The following ZNF148 variants were observed in gnomAD, a reference collection of about 807,000 sequenced individuals.
The protein encoded by ZNF148 is zinc finger protein 148.
Under a neutral mutation model 67.7 loss-of-function variants are expected in ZNF148, and 7 were observed. That is an observed-to-expected ratio of 0.10 (90% CI 0.06 to 0.19). The LOEUF is 0.19. Ranked by LOEUF, ZNF148 falls within the 10% of genes least tolerant of loss-of-function variation. The pLI, the probability that ZNF148 is intolerant of heterozygous loss-of-function variation, is 1.00. For missense variants in ZNF148, 583 were observed against 947.1 expected (o/e 0.62, Z 5.05); for synonymous variants, 333 against 330.7 (o/e 1.01, Z -0.08).
chr3:125,259,586 A>G (rs4679376), intron 7 of ZNF148, among the ~76,000 whole-genome samples: 117,369 of 152,166 alleles, frequency 0.77, 45,818 homozygotes, highest in African/African-American at 0.85. Context: ...TGTAAAAGTT[A>G]TGTTTACATT....
intron 1 of ZNF148, chr3:125,357,634 A>G (rs570389259): frequency 6.6e-6 from 1 of 152,476 alleles, no homozygotes; most frequent in Non-Finnish European, 1.5e-5. Context: ...AGCTGGCCCA[A>G]TCGGGCCTGG....
chr3:125,288,201 T>G lies in ZNF148; in HGVS notation c.361A>C (p.Thr121Pro), dbSNP rs774154262. The G allele has an allele frequency of 6.2e-7, 1 of 1,613,570 alleles. No homozygotes were observed. Among genetic ancestry groups the G allele is most frequent in the South Asian group, 1.1e-5 (1 of 91,072 alleles). ...PISVKQEITFTDVSEQLMRDK... is the reference protein window; with the variant it reads ...PISVKQEITFPDVSEQLMRDK... ...CTCATCAGTTGCTCAGATACATCAG[T>G]AAAAGTAATTTCCTGCTTTACGCTT... The change falls in exon 5 of 9, where the codon ACT becomes CCT. Residue 121 changes from threonine to proline, a missense_variant. By Grantham distance (38) the Thr-to-Pro change is conservative. Around this residue, in one of 5 missense-constraint regions of ZNF148, gnomAD observed 150 missense variants for 202.5 expected, o/e 0.74. Transcript: ENST00000360647.
chr3:125,371,047 T>A (rs1942862677), intron 1 of ZNF148, among the ~76,000 whole-genome samples: 1 of 151,964 alleles, frequency 6.6e-6, no homozygotes, highest in Admixed American at 6.6e-5. Context: ...CATTACCTCC[T>A]AAAAATAAAA....
At chr3:125,244,991 T>C (rs1355852144) in intron 7 of ZNF148, among the ~76,000 whole-genome samples, 1 of 152,230 alleles carries the variant, frequency 6.6e-6, no homozygotes, top group Non-Finnish European at 1.5e-5. Context: ...AAAACAAGCT[T>C]TCTGCTTATC....
In ZNF148 at chr3:125,232,536, T is replaced by C. The variant is rs1268269460; in HGVS notation, c.2190A>G (p.Glu730=). ...VHQAYQMSSF[E]QPFRAPYHGS... ...CATGATAGGGAGCACGGAAGGGCTG[T>C]TCAAAGGAGCTCATTTGGTAAGCTT... Residue 730 remains glutamate (E), a synonymous_variant, in exon 9 of 9, where the codon GAA becomes GAG. Transcript: ENST00000360647. The surrounding 1 kb of genome is among the most constrained non-coding windows in gnomAD (Gnocchi z 4.2). The C allele has an allele frequency of 1.2e-6, 2 of 1,613,714 alleles. No homozygotes were observed. Among genetic ancestry groups the C allele is most frequent in the Non-Finnish European group, 1.7e-6 (2 of 1,179,744 alleles).
At chr3:125,351,322 C>G (rs185585759) in intron 1 of ZNF148, among the ~76,000 whole-genome samples, 4 of 131,278 alleles carry the variant, frequency 3.0e-5, no homozygotes, top group African/African-American at 1.2e-4. Flanking sequence ...GTTGAGACTG[C>G]AATCTGTTAC....
At chr3:125,255,822 C>A (rs1212944716) in intron 7 of ZNF148, among the ~76,000 whole-genome samples, 1 of 152,006 alleles carries the variant, frequency 6.6e-6, no homozygotes, top group Non-Finnish European at 1.5e-5. Flanking sequence ...AGCCACTCTT[C>A]TTACTGGTTC....
In ZNF148 at chr3:125,331,243, A is replaced by G. The variant is rs935118021; in HGVS notation, c.-233-5T>C. 6 of 398,474 alleles carry G rather than the reference A, an allele frequency of 1.5e-5. No homozygotes were observed. The highest frequency in any genetic ancestry group is 2.1e-5 in the African/African-American group (1 of 48,644). 24.7% of individuals were successfully genotyped at this position (398,474 alleles called of 1,614,324 possible). ...CTGCTGATTCCTCCCTCTATCCTAC[A>G]AAAGTACACAAATACAGGTTAACCC... On this transcript the variant is annotated splice_region_variant and splice_polypyrimidine_tract_variant and intron_variant, in intron 1 of 8. Transcript: ENST00000360647.
intron 7 of ZNF148, among the ~76,000 whole-genome samples, chr3:125,262,746 T>C (rs1579649083): frequency 6.6e-6 from 1 of 152,234 alleles, no homozygotes; most frequent in Non-Finnish European, 1.5e-5. Flanking sequence ...TGCTATATAA[T>C]AGAGTAAATC....
intron 7 of ZNF148, among the ~76,000 whole-genome samples, chr3:125,260,266 C>G (rs1033128994): frequency 6.6e-6 from 1 of 151,942 alleles, no homozygotes; most frequent in African/African-American, 2.4e-5. Context: ...ATGATGCTGA[C>G]AGACGCTCAA....
intron 7 of ZNF148, among the ~76,000 whole-genome samples, chr3:125,241,538 T>G (rs1936361477): frequency 6.6e-6 from 1 of 152,206 alleles, no homozygotes; most frequent in Non-Finnish European, 1.5e-5. Flanking sequence ...TTCTTATCTT[T>G]TCTTTTTCCT....
At chr3:125,316,049 T>C (rs1386336243) in intron 3 of ZNF148, among the ~76,000 whole-genome samples, 1 of 152,224 alleles carries the variant, frequency 6.6e-6, no homozygotes, top group Non-Finnish European at 1.5e-5. Flanking sequence ...TCTATATCCA[T>C]GAGTTCAACT....
At chr3:125,375,033 C>G (rs1354486619) in intron 1 of ZNF148, 69 bp downstream of exon 1, 1 of 151,538 alleles carries the variant, frequency 6.6e-6, no homozygotes, top group Non-Finnish European at 1.5e-5. Flanking sequence ...GCGCGCTCCC[C>G]CCGCGCGCCG....
At chr3:125,265,437 C>A (rs1033851115) in intron 7 of ZNF148, among the ~76,000 whole-genome samples, 3 of 152,200 alleles carry the variant, frequency 2.0e-5, no homozygotes. Context: ...GGATTTGTCA[C>A]GGAATCCTAA....
At chr3:125,260,695 A>G (rs1423901831) in intron 7 of ZNF148, among the ~76,000 whole-genome samples, 1 of 152,200 alleles carries the variant, frequency 6.6e-6, no homozygotes, top group South Asian at 2.1e-4. Context: ...AGTAGTTACA[A>G]AACTGTCAAC....
chr3:125,265,969 C>G (rs1323046721), intron 7 of ZNF148, among the ~76,000 whole-genome samples: 1 of 151,760 alleles, frequency 6.6e-6, no homozygotes, highest in Non-Finnish European at 1.5e-5. Flanking sequence ...TAAAAAAAGA[C>G]AAAGAAGGTC....
chr3:125,309,580 G>A (rs1398095245), intron 4 of ZNF148, among the ~76,000 whole-genome samples: 2 of 148,336 alleles, frequency 1.3e-5, no homozygotes, highest in Non-Finnish European at 3.0e-5. Context: ...GTGGCGAAAG[G>A]GGCTGAACTA....
intron 1 of ZNF148, among the ~76,000 whole-genome samples, chr3:125,371,859 T>C (rs1449454452): frequency 2.6e-5 from 4 of 151,464 alleles, no homozygotes; most frequent in African/African-American, 9.7e-5. Context: ...GGTCAGGAGA[T>C]CGAGATCATC....
intron 1 of ZNF148, among the ~76,000 whole-genome samples, chr3:125,345,287 A>G (rs1214648643): frequency 2.0e-5 from 3 of 152,186 alleles, no homozygotes; most frequent in Non-Finnish European, 4.4e-5. Flanking sequence ...ACTTTTAAAA[A>G]GTCCATGGAT....
Sources: allele counts gnomAD v4.1 joint callset (sites outside exome capture counted in the v4.1 genomes callset), GRCh38; gene constraint gnomAD v4.1.1; regional missense constraint gnomAD v4.1.1; non-coding constraint Gnocchi (gnomAD v3.1); transcripts MANE v1.5; gene names NCBI Gene and HGNC (gene_info 2026-07-23, HGNC 2026-07-21).